Variants in ITPKB observed in about 807,000 individuals in gnomAD.
ITPKB encodes inositol-trisphosphate 3-kinase B, also known as IP3 3-kinase B.
ITPKB carries 13 observed loss-of-function variants against 69.4 expected under a neutral mutation model. The observed-to-expected ratio is 0.19, with a 90% confidence interval of 0.12 to 0.30. The LOEUF (loss-of-function observed/expected upper bound fraction) is 0.30, where lower values mean the gene tolerates loss of function less well. Among genes scored for constraint, ITPKB ranks in the 10% least tolerant of loss-of-function variants. The probability of loss-of-function intolerance (pLI) is 1.00; values close to 1 mark genes in which losing one functional copy is unlikely to be tolerated. For synonymous variants in ITPKB, 584 were observed against 513.7 expected (o/e 1.14, Z -1.85); for missense variants, 1,240 against 1,250.5 (o/e 0.99, Z 0.13).
intron 2 of ITPKB, among the ~76,000 whole-genome samples, chr1:226,650,877 C>T (rs1330367550): frequency 2.6e-5 from 4 of 152,218 alleles, no homozygotes; most frequent in African/African-American, 4.8e-5. Context: ...ATACCAGGCT[C>T]CTTGGATGGA....
At chr1:226,670,159 C>T (rs750305346) in intron 2 of ITPKB, among the ~76,000 whole-genome samples, 23 of 130,028 alleles carry the variant, frequency 1.8e-4, no homozygotes, top group South Asian at 9.4e-4. Flanking sequence ...CAGGCGTGAG[C>T]CACCAAGCTC....
At chr1:226,680,820 A>G (rs990994462) in intron 2 of ITPKB, among the ~76,000 whole-genome samples, 6 of 152,132 alleles carry the variant, frequency 3.9e-5, no homozygotes, top group Non-Finnish European at 7.4e-5. Context: ...AGGGCACAGG[A>G]GAGCTACCCT....
chr1:226,660,463 C>T (rs978938256), intron 2 of ITPKB, among the ~76,000 whole-genome samples: 2 of 152,220 alleles, frequency 1.3e-5, no homozygotes, highest in Admixed American at 1.3e-4. Context: ...GTTCCTAACC[C>T]TCCCTATTGG....
chr1:226,703,861 G>A (rs749728060), intron 2 of ITPKB, among the ~76,000 whole-genome samples: 17 of 152,208 alleles, frequency 1.1e-4, no homozygotes, highest in Non-Finnish European at 2.4e-4. Flanking sequence ...ACTTTTTGTA[G>A]GGTTGAACTG....
chr1:226,684,142 CG>C (rs1164413932), intron 2 of ITPKB, among the ~76,000 whole-genome samples: 2 of 152,150 alleles, frequency 1.3e-5, no homozygotes, highest in Non-Finnish European at 2.9e-5. Flanking sequence ...TCTCACCTTT[CG>C]CATGCAGTAC....
At chr1:226,711,745 A>G (rs1656965873) in intron 2 of ITPKB, among the ~76,000 whole-genome samples, 2 of 152,060 alleles carry the variant, frequency 1.3e-5, no homozygotes, top group Non-Finnish European at 2.9e-5. Context: ...CTGGAGTTTG[A>G]GCTGAACCCA....
intron 2 of ITPKB, among the ~76,000 whole-genome samples, chr1:226,679,526 A>G (rs1255581813): frequency 1.3e-5 from 2 of 152,356 alleles, no homozygotes; most frequent in Middle Eastern, 3.4e-3. Flanking sequence ...TGTTCTTGGG[A>G]TAGTCTCAAA....
rs1226757038 is a variant in ITPKB at position 226,634,344 on chromosome 1, C to CT, written c.*326dup. The CT allele has an allele frequency of 3.2e-6, 1 of 315,812 alleles. No individual in the cohort carries two copies. The highest frequency in any genetic ancestry group is 4.6e-5 in the Admixed American group (1 of 21,524). 19.6% of individuals were successfully genotyped at this position (315,812 alleles called of 1,614,324 possible). ...GGTGGTAGGTCCAGGCTGGTGCTTC[C>CT]TAGGGGGCTCCCAGAGGCAGGGCTC... On this transcript the variant is annotated 3_prime_UTR_variant, in exon 8 of 8. Transcript: ENST00000429204. The surrounding 1 kb of genome is among the most constrained non-coding windows in gnomAD (Gnocchi z 6.3).
intron 2 of ITPKB, among the ~76,000 whole-genome samples, chr1:226,725,811 C>T (rs536076161): frequency 1.3e-5 from 2 of 152,200 alleles, no homozygotes; most frequent in African/African-American, 2.4e-5. Flanking sequence ...GACGATGCTG[C>T]GGCTGAAGTG....
intron 2 of ITPKB, among the ~76,000 whole-genome samples, chr1:226,704,477 TA>T (rs1255504153): frequency 6.6e-6 from 1 of 152,236 alleles, no homozygotes; most frequent in Non-Finnish European, 1.5e-5. Flanking sequence ...ATAACTCAGC[TA>T]GTTTATTTCC....
chr1:226,641,129 A>G lies in ITPKB; in HGVS notation c.2451+792T>C, dbSNP rs1668950925. Reference sequence around the variant, plus strand: ...CTTGCAAATTTAACAGCAAGGGTGCACACAGGGGCCCAGGGACAGGGAGAT... The same window carrying G: ...CTTGCAAATTTAACAGCAAGGGTGCGCACAGGGGCCCAGGGACAGGGAGAT... On this transcript the variant is annotated intron_variant, in intron 5 of 7. Transcript: ENST00000429204. The surrounding 1 kb of genome is among the most constrained non-coding windows in gnomAD (Gnocchi z 4.6). Among the ~76,000 whole-genome samples, 1 of 152,226 alleles carries G rather than the reference A, an allele frequency of 6.6e-6. No individual in the cohort carries two copies. The highest frequency in any genetic ancestry group is 2.4e-5 in the African/African-American group (1 of 41,462).
At chr1:226,649,334 C>T (rs59510522) in intron 2 of ITPKB, among the ~76,000 whole-genome samples, 4,168 of 94,124 alleles carry the variant, frequency 0.044, 178 homozygotes, top group African/African-American at 0.15. Context: ...TGAGTGTGTG[C>T]GTATGTGTGC....
intron 7 of ITPKB, among the ~76,000 whole-genome samples, chr1:226,635,875 G>C (rs921778937): frequency 6.6e-6 from 1 of 152,252 alleles, no homozygotes; most frequent in Non-Finnish European, 1.5e-5. Context: ...ACATACCCCT[G>C]CATCACCTCA....
At chr1:226,692,318 T>A (rs879340943) in intron 2 of ITPKB, among the ~76,000 whole-genome samples, 4 of 152,102 alleles carry the variant, frequency 2.6e-5, no homozygotes, top group Non-Finnish European at 4.4e-5. Context: ...CTCCAGCTTT[T>A]CCATAGGCCC....
At chr1:226,664,878 T>A (rs900126447) in intron 2 of ITPKB, among the ~76,000 whole-genome samples, 1 of 152,178 alleles carries the variant, frequency 6.6e-6, no homozygotes, top group Non-Finnish European at 1.5e-5. Context: ...ACGACGCAAA[T>A]GGACCAGAAG....
intron 2 of ITPKB, among the ~76,000 whole-genome samples, chr1:226,728,103 C>T (rs953586437): frequency 1.3e-5 from 2 of 152,202 alleles, no homozygotes; most frequent in African/African-American, 2.4e-5. Context: ...TCTCCTCCCA[C>T]TCCAAGTGAA....
intron 2 of ITPKB, among the ~76,000 whole-genome samples, chr1:226,698,462 C>A (rs1656549630): frequency 6.6e-6 from 1 of 152,212 alleles, no homozygotes; most frequent in East Asian, 1.9e-4. Flanking sequence ...AAAGTGTGTG[C>A]CTTCACGTTT....
At chr1:226,675,683 G>C (rs1216658901) in intron 2 of ITPKB, among the ~76,000 whole-genome samples, 1 of 152,130 alleles carries the variant, frequency 6.6e-6, no homozygotes, top group African/African-American at 2.4e-5. Context: ...TATAAAACAG[G>C]GATATTGTTT....
intron 2 of ITPKB, chr1:226,659,759 G>A (rs1669365231): frequency 6.6e-6 from 1 of 152,168 alleles, no homozygotes; most frequent in African/African-American, 2.4e-5. Context: ...AGGAAGCTGG[G>A]GTGCTTCGTG....
Sources: gnomAD v4.1 joint callset for allele counts (sites outside exome capture counted in the v4.1 genomes callset) on GRCh38, gnomAD v4.1.1 for gene constraint, Gnocchi (gnomAD v3.1) non-coding constraint, MANE v1.5 for transcripts, NCBI Gene and HGNC (gene_info 2026-07-23, HGNC 2026-07-21) for gene names.